TAFA1: variants seen among roughly 807,000 people sequenced by gnomAD.
TAFA1 encodes TAFA chemokine like family member 1, also known as chemokine-like protein TAFA-1.
In TAFA1, 4 loss-of-function variants were observed where a neutral mutation model predicts 18.5. The observed-to-expected ratio is 0.22, with a 90% CI of 0.11 to 0.49. The LOEUF is 0.49. Ranked by LOEUF, TAFA1 falls within the 20% of genes least tolerant of loss-of-function variation. TAFA1 has a pLI of 0.98. For synonymous variants in TAFA1, 56 were observed against 55.2 expected (o/e 1.01, Z -0.06); for missense variants, 147 against 169.0 (o/e 0.87, Z 0.72).
At chr3:68,178,125 G>C (rs573942539) in intron 2 of TAFA1, among the ~76,000 whole-genome samples, 6 of 151,130 alleles carry the variant, frequency 4.0e-5, no homozygotes, top group African/African-American at 7.2e-5. Context: ...GCCTGGGTGA[G>C]AGTGCGAGAC....
intron 2 of TAFA1, among the ~76,000 whole-genome samples, chr3:68,150,757 T>G (rs781254384): frequency 6.6e-6 from 1 of 152,188 alleles, no homozygotes; most frequent in African/African-American, 2.4e-5. Flanking sequence ...CTGTCATGCC[T>G]GTAAAAAATT....
chr3:68,507,570 C>A (rs1026005250), intron 3 of TAFA1, among the ~76,000 whole-genome samples: 2 of 152,052 alleles, frequency 1.3e-5, no homozygotes, highest in African/African-American at 4.8e-5. Context: ...AGGTATTGTT[C>A]TATTAAATGA....
At chr3:68,166,089 T>C (rs1456144500) in intron 2 of TAFA1, among the ~76,000 whole-genome samples, 1 of 134,454 alleles carries the variant, frequency 7.4e-6, no homozygotes, top group Non-Finnish European at 1.6e-5. Context: ...CGCAAAGTCA[T>C]AGAGGTATGA....
At chr3:68,474,431 G>A (rs532494097) in intron 3 of TAFA1, among the ~76,000 whole-genome samples, 1 of 152,120 alleles carries the variant, frequency 6.6e-6, no homozygotes, top group African/African-American at 2.4e-5. Flanking sequence ...TGGTGAGTTG[G>A]CTCTACCATC....
At chr3:68,168,231 T>C (rs1263797948) in intron 2 of TAFA1, among the ~76,000 whole-genome samples, 5 of 152,256 alleles carry the variant, frequency 3.3e-5, no homozygotes, top group South Asian at 2.1e-4. Flanking sequence ...TTCTATTCTT[T>C]CTAGCCCAGT....
chr3:68,244,908 A>T (rs954310028), intron 2 of TAFA1, among the ~76,000 whole-genome samples: 10 of 152,242 alleles, frequency 6.6e-5, no homozygotes, highest in African/African-American at 2.4e-4. Context: ...GCCCAAAGTC[A>T]TAAAGACAGT....
At chr3:68,022,038 T>A (rs1175764918) in intron 2 of TAFA1, among the ~76,000 whole-genome samples, 1 of 152,178 alleles carries the variant, frequency 6.6e-6, no homozygotes, top group Non-Finnish European at 1.5e-5. Context: ...TTTACAGTAG[T>A]GTAAAGGATT....
intron 2 of TAFA1, among the ~76,000 whole-genome samples, chr3:68,153,691 G>A (rs1052438920): frequency 1.3e-5 from 2 of 152,074 alleles, no homozygotes; most frequent in Non-Finnish European, 2.9e-5. Context: ...AATCCATGGT[G>A]TTCTCATGGC....
chr3:68,182,950 T>C (rs947614388), intron 2 of TAFA1, among the ~76,000 whole-genome samples: 1 of 152,164 alleles, frequency 6.6e-6, no homozygotes, highest in Non-Finnish European at 1.5e-5. Flanking sequence ...CAGAGGTTCA[T>C]AGATAAAATG....
intron 2 of TAFA1, among the ~76,000 whole-genome samples, chr3:68,379,011 C>G (rs966012063): frequency 6.6e-6 from 1 of 152,118 alleles, no homozygotes; most frequent in Non-Finnish European, 1.5e-5. Flanking sequence ...CGTGTGAAAA[C>G]AGAATAATAC....
chr3:68,023,249 T>G (rs913286977), intron 2 of TAFA1, among the ~76,000 whole-genome samples: 1 of 152,142 alleles, frequency 6.6e-6, no homozygotes, highest in Non-Finnish European at 1.5e-5. Context: ...TATGCATACT[T>G]CTTTCTTGCT....
chr3:68,442,156 A>T (rs966212753), intron 3 of TAFA1, among the ~76,000 whole-genome samples: 2 of 151,970 alleles, frequency 1.3e-5, no homozygotes, highest in Admixed American at 6.6e-5. Flanking sequence ...TAATTAGTCC[A>T]TTTTCTGTTG....
At chr3:68,517,725 C>T (rs940948283) in intron 3 of TAFA1, among the ~76,000 whole-genome samples, 1 of 152,134 alleles carries the variant, frequency 6.6e-6, no homozygotes, top group Non-Finnish European at 1.5e-5. Context: ...AGTCATCTGA[C>T]AGAGAAACAG....
chr3:68,536,387 T>G (rs2073278614), intron 3 of TAFA1, among the ~76,000 whole-genome samples: 1 of 152,236 alleles, frequency 6.6e-6, no homozygotes, highest in Non-Finnish European at 1.5e-5. Flanking sequence ...ATATGTCATT[T>G]GGCTTCTTTG....
At chr3:68,114,279 C>G (rs954025184) in intron 2 of TAFA1, among the ~76,000 whole-genome samples, 2 of 152,114 alleles carry the variant, frequency 1.3e-5, no homozygotes, top group African/African-American at 4.8e-5. Context: ...AGCCCCCATT[C>G]AGCCTGTATA....
chr3:68,143,352 T>C (rs2065693967), intron 2 of TAFA1, among the ~76,000 whole-genome samples: 1 of 152,168 alleles, frequency 6.6e-6, no homozygotes, highest in Non-Finnish European at 1.5e-5. Context: ...AGAATTATGA[T>C]TCTGAATCAT....
chr3:68,303,584 A>G (rs893392273), intron 2 of TAFA1, among the ~76,000 whole-genome samples: 3 of 151,974 alleles, frequency 2.0e-5, no homozygotes, highest in Non-Finnish European at 2.9e-5. Flanking sequence ...GAGTAGCTGA[A>G]ACTACAGGCG....
At chr3:68,233,531 T>C (rs1430083019) in intron 2 of TAFA1, among the ~76,000 whole-genome samples, 4 of 152,200 alleles carry the variant, frequency 2.6e-5, no homozygotes, top group Admixed American at 2.0e-4. Flanking sequence ...TGGGTTACTA[T>C]AGCTTTGAAG....
At chr3:68,182,067 G>A (rs1158175483) in intron 2 of TAFA1, among the ~76,000 whole-genome samples, 1 of 152,090 alleles carries the variant, frequency 6.6e-6, no homozygotes, top group African/African-American at 2.4e-5. Flanking sequence ...CATTAGCTGG[G>A]TGTGGGTGGC....
Sources: gnomAD v4.1 joint callset for allele counts (sites outside exome capture counted in the v4.1 genomes callset) on GRCh38, gnomAD v4.1.1 for gene constraint, MANE v1.5 for transcripts, NCBI Gene and HGNC (gene_info 2026-07-23, HGNC 2026-07-21) for gene names.